Variants in SEMA5A observed in about 807,000 individuals in gnomAD.
SEMA5A encodes semaphorin-5A.
SEMA5A carries 55 observed loss-of-function variants against 135.5 expected under a neutral mutation model. The ratio of observed to expected loss-of-function variants is 0.41; its 90% CI spans 0.33 to 0.51. The LOEUF is 0.51. Ranked by LOEUF, SEMA5A falls within the 20% of genes least tolerant of loss-of-function variation. The pLI, the probability that SEMA5A is intolerant of heterozygous loss-of-function variation, is 0.37. For synonymous variants in SEMA5A, 580 were observed against 546.5 expected (o/e 1.06, Z -0.85); for missense variants, 1,290 against 1,419.9 (o/e 0.91, Z 1.47).
At chr5:9,147,105 T>C (rs1742378571) in intron 12 of SEMA5A, among the ~76,000 whole-genome samples, 1 of 152,168 alleles carries the variant, frequency 6.6e-6, no homozygotes, top group Non-Finnish European at 1.5e-5. Flanking sequence ...TGTCAACCTA[T>C]TAACTCCGGC....
chr5:9,148,876 T>G (rs1181431968), intron 12 of SEMA5A, among the ~76,000 whole-genome samples: 2 of 152,128 alleles, frequency 1.3e-5, no homozygotes, highest in Admixed American at 6.6e-5. Context: ...TGCGCTACCA[T>G]GTCCAGCTAA....
intron 16 of SEMA5A, among the ~76,000 whole-genome samples, chr5:9,106,583 GA>G (rs1252480755): frequency 2.0e-5 from 3 of 152,158 alleles, no homozygotes; most frequent in Non-Finnish European, 4.4e-5. Context: ...CAGCAAATGA[GA>G]CAAACCTTGA....
chr5:9,152,086 G>T (rs1017503941), intron 12 of SEMA5A, among the ~76,000 whole-genome samples: 44 of 152,228 alleles, frequency 2.9e-4, no homozygotes, highest in Non-Finnish European at 1.5e-4. Flanking sequence ...AAGAGGCTGA[G>T]CGATTATGAC....
At chr5:9,513,476 C>G (rs942921293) in intron 1 of SEMA5A, among the ~76,000 whole-genome samples, 1 of 152,100 alleles carries the variant, frequency 6.6e-6, no homozygotes, top group African/African-American at 2.4e-5. Context: ...ACTTCAACCA[C>G]TTGGAACACA....
chr5:9,267,227 C>G (rs1377246174), intron 5 of SEMA5A, among the ~76,000 whole-genome samples: 1 of 152,014 alleles, frequency 6.6e-6, no homozygotes, highest in African/African-American at 2.4e-5. Flanking sequence ...AGCTGAGAAG[C>G]CCGCCACACT....
chr5:9,481,648 T>C (rs1242596749), intron 1 of SEMA5A, among the ~76,000 whole-genome samples: 1 of 152,204 alleles, frequency 6.6e-6, no homozygotes, highest in Non-Finnish European at 1.5e-5. Context: ...TCCTTTTCCC[T>C]TTCTTGCTCT....
At chr5:9,381,884 A>T (rs1755626028) in intron 2 of SEMA5A, among the ~76,000 whole-genome samples, 1 of 151,800 alleles carries the variant, frequency 6.6e-6, no homozygotes, top group African/African-American at 2.4e-5. Context: ...TAGTGATGCC[A>T]TTCATTTTAA....
intron 1 of SEMA5A, among the ~76,000 whole-genome samples, chr5:9,527,494 G>A (rs576133955): frequency 3.3e-5 from 5 of 152,036 alleles, no homozygotes; most frequent in East Asian, 1.9e-4. Flanking sequence ...CTTCCTTCTC[G>A]CTCTCTGTGT....
intron 18 of SEMA5A, among the ~76,000 whole-genome samples, chr5:9,060,821 A>G (rs939438395): frequency 2.6e-5 from 4 of 152,130 alleles, no homozygotes; most frequent in Non-Finnish European, 5.9e-5. Flanking sequence ...CCACCCTTCC[A>G]AGCACCCAAT....
chr5:9,497,673 C>T (rs1293431948), intron 1 of SEMA5A, among the ~76,000 whole-genome samples: 1 of 152,194 alleles, frequency 6.6e-6, no homozygotes, highest in East Asian at 1.9e-4. Context: ...TCATTGTCCT[C>T]ATTTTACAGA....
chr5:9,097,150 A>C (rs1739366651), intron 16 of SEMA5A, among the ~76,000 whole-genome samples: 2 of 152,208 alleles, frequency 1.3e-5, no homozygotes, highest in South Asian at 4.1e-4. Flanking sequence ...AATGTAAATA[A>C]AAGACAGGTA....
At chr5:9,123,583 C>G (rs1662491318) in intron 13 of SEMA5A, among the ~76,000 whole-genome samples, 1 of 151,948 alleles carries the variant, frequency 6.6e-6, no homozygotes, top group African/African-American at 2.4e-5. Flanking sequence ...TTGGAAAATC[C>G]AAAACTAAGA....
At chr5:9,125,410 G>T (rs901581225) in intron 13 of SEMA5A, among the ~76,000 whole-genome samples, 2 of 152,266 alleles carry the variant, frequency 1.3e-5, no homozygotes, top group Middle Eastern at 3.4e-3. Context: ...ATGTGCCATG[G>T]TGGTTTGCTG....
At chr5:9,282,706 G>A (rs1012796664) in intron 5 of SEMA5A, among the ~76,000 whole-genome samples, 17 of 152,108 alleles carry the variant, frequency 1.1e-4, no homozygotes, top group African/African-American at 3.1e-4. Flanking sequence ...GCCGCCTCCC[G>A]TGTCATCAGA....
chr5:9,274,507 C>A (rs551594376), intron 5 of SEMA5A, among the ~76,000 whole-genome samples: 42 of 152,146 alleles, frequency 2.8e-4, no homozygotes, highest in South Asian at 6.2e-4. Context: ...GAACTCTCCA[C>A]ACCAAATCAA....
At chr5:9,290,932 C>T (rs1751045751) in intron 5 of SEMA5A, among the ~76,000 whole-genome samples, 2 of 152,314 alleles carry the variant, frequency 1.3e-5, no homozygotes, top group African/African-American at 2.4e-5. Flanking sequence ...TCCAATATTT[C>T]CCTGATTCCC....
At chr5:9,206,521 GA>G (rs1271272405) in intron 8 of SEMA5A, among the ~76,000 whole-genome samples, 1 of 151,858 alleles carries the variant, frequency 6.6e-6, no homozygotes, top group Non-Finnish European at 1.5e-5. Context: ...GAATCCAAAA[GA>G]AGCCTCCCAT....
chr5:9,364,463 A>T (rs1003402937), intron 3 of SEMA5A, among the ~76,000 whole-genome samples: 5 of 152,224 alleles, frequency 3.3e-5, no homozygotes, highest in Non-Finnish European at 7.3e-5. Context: ...TTCACAAGGA[A>T]CATCCTAATA....
intron 3 of SEMA5A, among the ~76,000 whole-genome samples, chr5:9,353,179 A>G (rs199997456): frequency 1.0e-3 from 40 of 38,806 alleles, no homozygotes; most frequent in East Asian, 2.2e-3. Context: ...AGGAAGGGAA[A>G]GGAAGGGAAG....
Sources: gnomAD v4.1 joint callset for allele counts (sites outside exome capture counted in the v4.1 genomes callset) on GRCh38, gnomAD v4.1.1 for gene constraint, MANE v1.5 for transcripts, NCBI Gene and HGNC (gene_info 2026-07-23, HGNC 2026-07-21) for gene names.